The following BRINP3 variants were observed in gnomAD, a reference collection of about 807,000 sequenced individuals.
The protein encoded by BRINP3 is BMP/retinoic acid inducible neural specific 3.
BRINP3 carries 19 observed loss-of-function variants against 71.0 expected under a neutral mutation model. That is an observed-to-expected ratio of 0.27 (90% CI 0.19 to 0.39). The LOEUF (loss-of-function observed/expected upper bound fraction) is 0.39. BRINP3 is among the 10% of genes least tolerant of loss of function. The pLI is 1.00. For missense variants in BRINP3, 959 were observed against 940.8 expected, an observed-to-expected ratio of 1.02 and a Z score of -0.25; for synonymous variants, 380 against 337.7, an observed-to-expected ratio of 1.13 and a Z score of -1.37.
intron 2 of BRINP3, among the ~76,000 whole-genome samples, chr1:190,355,871 C>T (rs917197484): frequency 6.6e-6 from 1 of 151,828 alleles, no homozygotes; most frequent in African/African-American, 2.4e-5. Context: ...ATAGAATGTC[C>T]TTTCTTTAAA....
intron 2 of BRINP3, chr1:190,361,993 A>C (rs554348728): frequency 4.4e-4 from 67 of 152,214 alleles, no homozygotes; most frequent in African/African-American, 1.6e-3. Flanking sequence ...CTTCATGATG[A>C]AATTAGAACT....
intron 2 of BRINP3, among the ~76,000 whole-genome samples, chr1:190,345,701 G>T (rs1158822564): frequency 8.6e-6 from 1 of 115,904 alleles, no homozygotes; most frequent in Admixed American, 1.0e-4. Context: ...CAACCAAATA[G>T]CCATTTACCT....
At chr1:190,426,111 T>C (rs1290005864) in intron 2 of BRINP3, among the ~76,000 whole-genome samples, 1 of 151,862 alleles carries the variant, frequency 6.6e-6, no homozygotes, top group Non-Finnish European at 1.5e-5. Context: ...TAAAAGTTCA[T>C]ATATATCCTT....
intron 2 of BRINP3, among the ~76,000 whole-genome samples, chr1:190,375,099 G>C (rs1670101180): frequency 6.6e-6 from 1 of 151,906 alleles, no homozygotes. Flanking sequence ...AGGTATAATG[G>C]AATTTTAAAT....
intron 6 of BRINP3, among the ~76,000 whole-genome samples, chr1:190,167,861 A>T (rs1464943457): frequency 6.6e-6 from 1 of 152,166 alleles, no homozygotes; most frequent in African/African-American, 2.4e-5. Context: ...GACTACCAAG[A>T]ATTTGCTCAT....
chr1:190,210,999 T>C (rs982696696), intron 6 of BRINP3, among the ~76,000 whole-genome samples: 74 of 152,238 alleles, frequency 4.9e-4, no homozygotes, highest in African/African-American at 1.7e-3. Flanking sequence ...CTTGGATTTA[T>C]ACCAGTGATT....
chr1:190,208,009 T>G (rs577343453), intron 6 of BRINP3, among the ~76,000 whole-genome samples: 1 of 152,224 alleles, frequency 6.6e-6, no homozygotes, highest in Non-Finnish European at 1.5e-5. Flanking sequence ...TCACCCAAGC[T>G]GGAGTGCAGC....
chr1:190,458,962 A>G (rs984158799), intron 1 of BRINP3, among the ~76,000 whole-genome samples: 2 of 151,910 alleles, frequency 1.3e-5, no homozygotes, highest in Non-Finnish European at 2.9e-5. Context: ...TGAAGAACAC[A>G]AAAAAACAAA....
At chr1:190,370,037 C>T (rs1016706519) in intron 2 of BRINP3, among the ~76,000 whole-genome samples, 1 of 152,060 alleles carries the variant, frequency 6.6e-6, no homozygotes, top group Non-Finnish European at 1.5e-5. Context: ...CCAGAATGAA[C>T]CACACACTTT....
chr1:190,433,832 T>A (rs1035581550), intron 2 of BRINP3, among the ~76,000 whole-genome samples: 3 of 152,158 alleles, frequency 2.0e-5, no homozygotes, highest in Admixed American at 1.3e-4. Flanking sequence ...ACATGTTAAA[T>A]TTTTGCCACT....
At chr1:190,291,802 G>A (rs1267150758) in intron 2 of BRINP3, among the ~76,000 whole-genome samples, 1 of 151,946 alleles carries the variant, frequency 6.6e-6, no homozygotes, top group East Asian at 1.9e-4. Flanking sequence ...CCCACCACTG[G>A]GTATATATAC....
intron 2 of BRINP3, among the ~76,000 whole-genome samples, chr1:190,365,806 G>GTGTGTA (rs913644308): frequency 1.6e-5 from 2 of 127,872 alleles, no homozygotes; most frequent in Non-Finnish European, 3.3e-5. Flanking sequence ...GAGAGCAAGT[G>GTGTGTA]TATATATATA....
intron 7 of BRINP3, among the ~76,000 whole-genome samples, chr1:190,109,987 C>A (rs1363611263): frequency 6.6e-6 from 1 of 152,164 alleles, no homozygotes; most frequent in African/African-American, 2.4e-5. Flanking sequence ...TGAGTCCATT[C>A]TTCTAGTAAG....
intron 2 of BRINP3, among the ~76,000 whole-genome samples, chr1:190,285,781 G>A (rs1378824494): frequency 6.6e-6 from 1 of 151,610 alleles, no homozygotes; most frequent in Non-Finnish European, 1.5e-5. Flanking sequence ...ACTAGATCAT[G>A]CATTCATTAA....
intron 6 of BRINP3, among the ~76,000 whole-genome samples, chr1:190,204,113 C>T (rs1196783462): frequency 6.6e-6 from 1 of 151,648 alleles, no homozygotes; most frequent in Non-Finnish European, 1.5e-5. Flanking sequence ...GTAATGATGA[C>T]CAATTTTTCT....
intron 2 of BRINP3, among the ~76,000 whole-genome samples, chr1:190,443,274 G>A (rs1236522289): frequency 2.0e-5 from 3 of 151,538 alleles, no homozygotes; most frequent in South Asian, 2.1e-4. Context: ...GCATTGTGGC[G>A]GGCGCCTGTA....
intron 7 of BRINP3, among the ~76,000 whole-genome samples, chr1:190,101,953 T>C (rs554986484): frequency 6.6e-6 from 1 of 152,160 alleles, no homozygotes; most frequent in East Asian, 1.9e-4. Flanking sequence ...GTTTCGGCTG[T>C]TGGATTTCAG....
In BRINP3 at chr1:190,169,447, T is replaced by C. The variant is rs7519486; in HGVS notation, c.962-8557A>G. ...TGTGATTTGAGGCTTGTTTCTGGCATAGCATCTGAGCCAGCATCTCCAATC... is the reference window on the plus strand; with the variant it reads ...TGTGATTTGAGGCTTGTTTCTGGCACAGCATCTGAGCCAGCATCTCCAATC... On this transcript the variant is annotated intron_variant, in intron 6 of 7. Transcript: ENST00000367462. Among the ~76,000 whole-genome samples, 497 of 152,274 alleles carry C rather than the reference T, an allele frequency of 3.3e-3. 1 individual carries two copies. The highest frequency in any genetic ancestry group is 0.012 in the African/African-American group (478 of 41,562).
intron 2 of BRINP3, among the ~76,000 whole-genome samples, chr1:190,412,749 T>G (rs1672774749): frequency 6.6e-6 from 1 of 152,062 alleles, no homozygotes; most frequent in Non-Finnish European, 1.5e-5. Flanking sequence ...GGCGTGAGTA[T>G]GTAGTACTTT....
Sources: allele counts gnomAD v4.1 joint callset (sites outside exome capture counted in the v4.1 genomes callset), GRCh38; gene constraint gnomAD v4.1.1; transcripts MANE v1.5; gene names NCBI Gene and HGNC (gene_info 2026-07-23, HGNC 2026-07-21).